Variants in GPC5 observed in about 807,000 individuals in gnomAD.
GPC5 encodes glypican 5, also known as glypican-5.
A neutral mutation model predicts 53.9 loss-of-function variants in GPC5; 47 were observed. That is an observed-to-expected ratio of 0.87 (90% CI 0.69 to 1.11). The LOEUF is 1.11. Among genes scored for constraint, GPC5 ranks in the 50% most tolerant of loss-of-function variants. The pLI is 0.00. For missense variants in GPC5, 748 were observed against 713.1 expected (o/e 1.05, Z -0.56); for synonymous variants, 286 against 263.3 (o/e 1.09, Z -0.84).
chr13:92,742,351 T>C (rs1889124663), intron 7 of GPC5, among the ~76,000 whole-genome samples: 1 of 152,178 alleles, frequency 6.6e-6, no homozygotes, highest in Admixed American at 6.6e-5. Context: ...GTGAGCATTT[T>C]TTCATGTGTC....
chr13:91,693,995 T>A lies in GPC5; in HGVS notation c.1020+114T>A, dbSNP rs150635981. ...CTGTTGATATATTCAATCCAAGATA[T>A]TATTTTTTTATATCTTATGATAAAA... is the stretch of plus-strand genomic sequence containing the variant. On this transcript the variant is annotated intron_variant, in intron 3 of 7. Transcript: ENST00000377067. The A allele has an allele frequency of 6.4e-6, 5 of 783,326 alleles. No homozygotes were observed. The African/African-American group carries it at 7.0e-5, about 11-fold the overall frequency. 48.5% of individuals were successfully genotyped at this position (783,326 alleles called of 1,614,324 possible).
intron 7 of GPC5, among the ~76,000 whole-genome samples, chr13:92,183,729 C>G (rs1231750220): frequency 6.6e-6 from 1 of 151,834 alleles, no homozygotes; most frequent in Non-Finnish European, 1.5e-5. Context: ...CAACTTAGGT[C>G]TAATTTTGTG....
At chr13:91,977,869 T>C (rs1421956442) in intron 6 of GPC5, among the ~76,000 whole-genome samples, 4 of 151,330 alleles carry the variant, frequency 2.6e-5, no homozygotes, top group African/African-American at 9.7e-5. Context: ...CTCGGCACTT[T>C]GGGAGGTGGA....
At chr13:92,246,274 G>T (rs2042650231) in intron 7 of GPC5, among the ~76,000 whole-genome samples, 1 of 152,032 alleles carries the variant, frequency 6.6e-6, no homozygotes, top group South Asian at 2.1e-4. Flanking sequence ...AGAGAGCTCT[G>T]AAATATCTTG....
chr13:92,494,424 GTTC>G (rs1275187584), intron 7 of GPC5, among the ~76,000 whole-genome samples: 2 of 152,142 alleles, frequency 1.3e-5, no homozygotes, highest in African/African-American at 4.8e-5. Flanking sequence ...GAACTTTGAA[GTTC>G]TTCAACTGTA....
intron 7 of GPC5, among the ~76,000 whole-genome samples, chr13:92,337,963 C>T (rs981797459): frequency 2.0e-5 from 3 of 152,022 alleles, no homozygotes; most frequent in African/African-American, 4.8e-5. Context: ...GTAAGCTGGA[C>T]TTCATTAAAA....
At chr13:92,168,227 TA>T in intron 7 of GPC5, among the ~76,000 whole-genome samples, 1 of 152,056 alleles carries the variant, frequency 6.6e-6, no homozygotes, top group Non-Finnish European at 1.5e-5. Context: ...CCCAAAACTA[TA>T]AAAACCCTAG....
chr13:92,671,425 C>T (rs933665048), intron 7 of GPC5, among the ~76,000 whole-genome samples: 37 of 152,270 alleles, frequency 2.4e-4, no homozygotes, highest in African/African-American at 8.4e-4. Context: ...TCCATTACTC[C>T]AAAATGTGTG....
At chr13:91,445,809 C>A (rs1229148981) in intron 1 of GPC5, among the ~76,000 whole-genome samples, 1 of 152,084 alleles carries the variant, frequency 6.6e-6, no homozygotes, top group Non-Finnish European at 1.5e-5. Context: ...TGGAATTTCC[C>A]ATTTAATATT....
At chr13:91,702,741 A>G (rs1190619413) in intron 3 of GPC5, among the ~76,000 whole-genome samples, 2 of 152,044 alleles carry the variant, frequency 1.3e-5, no homozygotes, top group Non-Finnish European at 2.9e-5. Context: ...TGGACATTTT[A>G]ATAATATTAA....
chr13:92,226,403 T>C (rs9516021), intron 7 of GPC5, among the ~76,000 whole-genome samples: 41,969 of 152,000 alleles, frequency 0.28, 5,940 homozygotes, highest in South Asian at 0.45. Flanking sequence ...CTTCTTTATA[T>C]GGTTATTTGC....
chr13:91,689,214 T>TATATATATATATATACACA (rs2035696373), intron 2 of GPC5, among the ~76,000 whole-genome samples: 2 of 122,092 alleles, frequency 1.6e-5, no homozygotes, highest in Non-Finnish European at 3.3e-5. Flanking sequence ...TATATATATA[T>TATATATATATATATACACA]ATATATATAT....
intron 7 of GPC5, among the ~76,000 whole-genome samples, chr13:92,797,819 T>TGATTGATA (rs370132561): frequency 1.4e-5 from 2 of 143,494 alleles, no homozygotes; most frequent in African/African-American, 5.2e-5. Flanking sequence ...ATTCAAGGGA[T>TGATTGATA]GATAGATAGA....
intron 7 of GPC5, among the ~76,000 whole-genome samples, chr13:92,556,926 A>G (rs1336357744): frequency 3.3e-5 from 5 of 151,914 alleles, no homozygotes; most frequent in South Asian, 2.1e-4. Flanking sequence ...ATTCCCCTAT[A>G]AACAGGAGAG....
intron 1 of GPC5, among the ~76,000 whole-genome samples, chr13:91,400,672 T>A (rs1006739454): frequency 2.0e-5 from 3 of 152,218 alleles, no homozygotes; most frequent in Admixed American, 6.5e-5. Flanking sequence ...ATGGTAACTT[T>A]GCCTGCTATG....
In GPC5 at chr13:92,866,361, A is replaced by G; in HGVS notation, c.1641A>G (p.Gly547=). Residue 547 remains glycine, a synonymous_variant, in exon 8 of 8, where the codon GGA becomes GGG. Transcript: ENST00000377067. ...TDTGSTLDTT[G]AGCAVATESM... ...CTGGCAGTACTTTAGACACAACAGG[A>G]GCAGGATGTGCAGTGGCGACTGAAT... The G allele has an allele frequency of 6.2e-7, 1 of 1,613,218 alleles. No individual in the cohort carries two copies. Among genetic ancestry groups the G allele is most frequent in the Non-Finnish European group, 8.5e-7 (1 of 1,179,386 alleles).
intron 5 of GPC5, among the ~76,000 whole-genome samples, chr13:91,804,808 G>A (rs942088285): frequency 2.6e-5 from 4 of 152,180 alleles, no homozygotes; most frequent in African/African-American, 9.7e-5. Flanking sequence ...CCATTACAGT[G>A]AGACTTTACT....
intron 7 of GPC5, among the ~76,000 whole-genome samples, chr13:92,550,336 A>T (rs1345659433): frequency 6.6e-6 from 1 of 151,920 alleles, no homozygotes; most frequent in Non-Finnish European, 1.5e-5. Context: ...CTTTAGCCCC[A>T]AAGAATTATG....
At chr13:91,928,069 T>G (rs2039785530) in intron 6 of GPC5, among the ~76,000 whole-genome samples, 1 of 152,204 alleles carries the variant, frequency 6.6e-6, no homozygotes, top group Non-Finnish European at 1.5e-5. Flanking sequence ...CATATCCACA[T>G]ATTCTCCATC....
Sources: allele counts gnomAD v4.1 joint callset (sites outside exome capture counted in the v4.1 genomes callset), GRCh38; gene constraint gnomAD v4.1.1; transcripts MANE v1.5; gene names NCBI Gene and HGNC (gene_info 2026-07-23, HGNC 2026-07-21).